Variants in KHDRBS2 observed in about 807,000 individuals in gnomAD.
KHDRBS2 encodes the protein KH RNA binding domain containing, signal transduction associated 2, also known as KH domain-containing, RNA-binding, signal transduction-associated protein 2.
KHDRBS2 carries 26 observed loss-of-function variants against 44.3 expected under a neutral mutation model. The observed-to-expected ratio is 0.59, with a 90% CI of 0.43 to 0.81. The LOEUF (loss-of-function observed/expected upper bound fraction) is 0.81, where lower values mean the gene tolerates loss of function less well. KHDRBS2 is among the 40% of genes least tolerant of loss of function. The probability of loss-of-function intolerance (pLI) is 0.00; values close to 1 mark genes in which losing one functional copy is unlikely to be tolerated. For missense variants in KHDRBS2, 476 were observed against 433.1 expected (o/e 1.10, Z -0.88); for synonymous variants, 194 against 151.1 (o/e 1.28, Z -2.08).
intron 4 of KHDRBS2, among the ~76,000 whole-genome samples, chr6:61,948,603 A>C (rs1764078075): frequency 6.6e-6 from 1 of 151,382 alleles, no homozygotes; most frequent in African/African-American, 2.4e-5. Context: ...ATAAAGCAAC[A>C]TTGTGAGGGT....
chr6:61,873,630 A>C (rs919254927), intron 6 of KHDRBS2, among the ~76,000 whole-genome samples: 1 of 46,548 alleles, frequency 2.1e-5, no homozygotes, highest in Admixed American at 2.2e-4. Flanking sequence ...TAAAAGCAAA[A>C]AAAGAAAAAA....
rs1315703657 is a variant in KHDRBS2, at chr6:62,207,833, T to G, written c.92-30521A>C. On this transcript the variant is annotated intron_variant, in intron 1 of 8. Coordinates refer to ENST00000281156, the MANE Select transcript of KHDRBS2 (RefSeq NM_152688.4). ...ACAATATGATGTTAAGGAATACATA[T>G]AGATACTAAGACGGTTCCTATAGTG... Among the ~76,000 whole-genome samples, 5 of 152,210 alleles carry G rather than the reference T, an allele frequency of 3.3e-5. No homozygotes were observed. The South Asian group carries it at 1.0e-3, about 31-fold the overall frequency.
At chr6:61,789,466 GA>G (rs751101630) in intron 6 of KHDRBS2, among the ~76,000 whole-genome samples, 2 of 151,338 alleles carry the variant, frequency 1.3e-5, no homozygotes, top group African/African-American at 4.8e-5. Context: ...AGCATGGAAA[GA>G]AAAAACGTAT....
chr6:61,873,723 G>A (rs1200719240), intron 6 of KHDRBS2, among the ~76,000 whole-genome samples: 1 of 151,416 alleles, frequency 6.6e-6, no homozygotes, highest in Non-Finnish European at 1.5e-5. Context: ...AAATGAATAA[G>A]CTATGCTACA....
intron 7 of KHDRBS2, among the ~76,000 whole-genome samples, chr6:61,708,717 T>TGATA (rs1372598539): frequency 1.3e-5 from 2 of 151,580 alleles, no homozygotes; most frequent in Non-Finnish European, 3.0e-5. Flanking sequence ...ATAGGTATAT[T>TGATA]GATAGATAGA....
At chr6:61,955,477 CATATGTATGTATGT>C (rs1766764705) in intron 4 of KHDRBS2, among the ~76,000 whole-genome samples, 5 of 35,002 alleles carry the variant, frequency 1.4e-4, no homozygotes, top group African/African-American at 7.0e-4. Context: ...TATATATACA[CATATGTATGTATGT>C]ATACATGTGT....
intron 5 of KHDRBS2, among the ~76,000 whole-genome samples, chr6:61,900,798 A>C (rs1006535835): frequency 6.6e-6 from 1 of 152,184 alleles, no homozygotes; most frequent in African/African-American, 2.4e-5. Context: ...GCACAGAAAA[A>C]GTTTATAGTT....
chr6:62,023,375 T>C (rs1782687304), intron 3 of KHDRBS2, among the ~76,000 whole-genome samples: 1 of 151,674 alleles, frequency 6.6e-6, no homozygotes, highest in Non-Finnish European at 1.5e-5. Context: ...TTCATTAATG[T>C]TGGTTTTCAG....
the KHDRBS2 span, among the ~76,000 whole-genome samples, chr6:61,655,131 G>C: frequency 6.6e-6 from 1 of 151,712 alleles, no homozygotes; most frequent in African/African-American, 2.4e-5. Context: ...AATAAGGAGA[G>C]TTTAGGTTAT....
the KHDRBS2 span, among the ~76,000 whole-genome samples, chr6:61,621,702 T>C: frequency 6.6e-6 from 1 of 152,222 alleles, no homozygotes. Flanking sequence ...CCTTCTCTTT[T>C]AGTGTGGGTA....
At chr6:61,553,782 G>T in the KHDRBS2 span, among the ~76,000 whole-genome samples, 17 of 152,134 alleles carry the variant, frequency 1.1e-4, no homozygotes, top group African/African-American at 1.9e-4. Context: ...GGGTCAAGTT[G>T]TTTAATTTCT....
At chr6:61,768,086 T>C (rs1425570349) in intron 6 of KHDRBS2, among the ~76,000 whole-genome samples, 1 of 152,194 alleles carries the variant, frequency 6.6e-6, no homozygotes, top group Non-Finnish European at 1.5e-5. Context: ...TCCTTCTTGT[T>C]TGAAGCATAT....
chr6:61,878,525 G>C (rs745976045), intron 6 of KHDRBS2, among the ~76,000 whole-genome samples: 6 of 152,002 alleles, frequency 3.9e-5, no homozygotes, highest in Non-Finnish European at 8.8e-5. Flanking sequence ...AGAGCAGCAT[G>C]AACTAGAGCT....
chr6:62,103,179 GC>G (rs1393339034), intron 2 of KHDRBS2, among the ~76,000 whole-genome samples: 1 of 152,132 alleles, frequency 6.6e-6, no homozygotes, highest in Non-Finnish European at 1.5e-5. Context: ...TTGCAGCCCA[GC>G]TTCCAGGCTT....
At chr6:61,543,869 T>C in the KHDRBS2 span, among the ~76,000 whole-genome samples, 1 of 152,196 alleles carries the variant, frequency 6.6e-6, no homozygotes, top group East Asian at 1.9e-4. Context: ...AAACTTTGCA[T>C]GTTCTCTTAT....
At chr6:61,877,298 A>G (rs1799560688) in intron 6 of KHDRBS2, among the ~76,000 whole-genome samples, 1 of 152,038 alleles carries the variant, frequency 6.6e-6, no homozygotes, top group Admixed American at 6.6e-5. Flanking sequence ...AGAAATGCCT[A>G]GAAAATACAT....
chr6:62,250,201 C>T lies in KHDRBS2; in HGVS notation c.91+35657G>A, dbSNP rs1836285699. On this transcript the variant is annotated intron_variant, in intron 1 of 8. Coordinates refer to ENST00000281156, the MANE Select transcript of KHDRBS2 (RefSeq NM_152688.4). ...CTTATAAAAGAGGACAAACGATCAGCTATTGCTAATGAAATACTGTAATTA... is the reference window on the plus strand; with the variant it reads ...CTTATAAAAGAGGACAAACGATCAGTTATTGCTAATGAAATACTGTAATTA... Among the ~76,000 whole-genome samples, 3 of 152,060 alleles carry T rather than the reference C, an allele frequency of 2.0e-5. No homozygotes were observed. The South Asian group carries it at 6.2e-4, about 31-fold the overall frequency.
At chr6:62,055,885 C>G (rs1202055002) in intron 2 of KHDRBS2, among the ~76,000 whole-genome samples, 5 of 151,942 alleles carry the variant, frequency 3.3e-5, no homozygotes, top group African/African-American at 1.2e-4. Context: ...GTGCTCACTC[C>G]GTGGATGTGG....
chr6:61,719,522 G>A (rs1047474676), intron 7 of KHDRBS2, among the ~76,000 whole-genome samples: 3 of 152,090 alleles, frequency 2.0e-5, no homozygotes, highest in African/African-American at 7.2e-5. Context: ...CCAATTAAAG[G>A]TGTTAATCCC....
Sources: allele counts gnomAD v4.1 joint callset (sites outside exome capture counted in the v4.1 genomes callset), GRCh38; gene constraint gnomAD v4.1.1; transcripts MANE v1.5; gene names NCBI Gene and HGNC (gene_info 2026-07-23, HGNC 2026-07-21).